The following SEMA4F variants were observed in gnomAD, a reference collection of about 807,000 sequenced individuals.
The protein encoded by SEMA4F is ssemaphorin 4F.
Under a neutral mutation model 78.4 loss-of-function variants are expected in SEMA4F, and 51 were observed. That is an observed-to-expected ratio of 0.65 (90% CI 0.52 to 0.82). The LOEUF is 0.82. Ranked by LOEUF, SEMA4F falls within the 40% of genes least tolerant of loss-of-function variation. The probability of loss-of-function intolerance (pLI) is 0.00; values close to 1 mark genes in which losing one functional copy is unlikely to be tolerated. For missense variants in SEMA4F, 938 were observed against 1,014.4 expected (o/e 0.92, Z 1.02); for synonymous variants, 418 against 408.7 (o/e 1.02, Z -0.27).
chr2:74,657,124 T>C (rs891148316), intron 2 of SEMA4F, among the ~76,000 whole-genome samples: 1 of 152,196 alleles, frequency 6.6e-6, no homozygotes, highest in Non-Finnish European at 1.5e-5. Context: ...GAAATGCTCA[T>C]TGGAGCATTT....
Position 74,675,735 on chromosome 2 carries a change from C to T in SEMA4F, c.1483-14C>T, listed in dbSNP as rs2105003443. On this transcript the variant is annotated splice_polypyrimidine_tract_variant and intron_variant, in intron 11 of 13. Transcript: ENST00000357877. ...AGATCCAGTGTATTCCCCTTCCCCA[C>T]TCCGTTTTTATAGAGCTGGCTCCTG... 2 of 1,613,682 alleles carry T rather than the reference C, an allele frequency of 1.2e-6. No homozygotes were observed. The highest frequency in any genetic ancestry group is 8.5e-7 in the Non-Finnish European group (1 of 1,179,722).
At chr2:74,701,828 G>A in the SEMA4F span, among the ~76,000 whole-genome samples, 32 of 152,158 alleles carry the variant, frequency 2.1e-4, no homozygotes, top group Admixed American at 2.0e-3. Context: ...CTGGAGTATG[G>A]CTTTAACCTG....
At chr2:74,693,522 G>A in the SEMA4F span, among the ~76,000 whole-genome samples, 1 of 152,194 alleles carries the variant, frequency 6.6e-6, no homozygotes. Flanking sequence ...AAGAGGATAG[G>A]ATGGATGTTG....
At chr2:74,707,720 C>G in the SEMA4F span, among the ~76,000 whole-genome samples, 14 of 152,240 alleles carry the variant, frequency 9.2e-5, no homozygotes, top group East Asian at 2.5e-3. Context: ...GCTTACAGCC[C>G]TGAAGAAGTT....
At position 74,675,563 on chromosome 2, in the gene SEMA4F, C is replaced by T. The variant is rs761333745; in HGVS notation, c.1411C>T (p.Gln471Ter). Residue 471 changes from glutamine to a stop codon, truncating the protein, a stop_gained, in exon 11 of 14, where the codon CAG becomes TAG. Transcript: ENST00000357877. LOFTEE classifies it high-confidence loss of function. ...CCACCGAGCAGTGCGGATCGGAGCT[C>T]AGCTCAGCGTTCTTGAAGATCTGGC... ...HLHRAVRIGA[Q>*]LSVLEDLALF... 1.2e-5 allele frequency: 19 copies of T among 1,614,196 alleles called. No individual in the cohort carries two copies. Among genetic ancestry groups the T allele is most frequent in the Non-Finnish European group, 1.4e-5 (17 of 1,180,022 alleles).
In SEMA4F at chr2:74,679,752, C is replaced by T. The variant is rs978081114; in HGVS notation, c.1856C>T (p.Thr619Ile). ...PRRDGLEVVVTPGAMGAYACE... is the reference protein window; with the variant it reads ...PRRDGLEVVVIPGAMGAYACE... ...CGGGATGGACTGGAGGTGGTGGTGA[C>T]CCCAGGGGCCATGGGCGCTTATGCC... Residue 619 changes from threonine to isoleucine, a missense_variant, in exon 14 of 14, where the codon ACC (threonine) becomes ATC (isoleucine). Coordinates refer to ENST00000357877, the MANE Select transcript of SEMA4F (RefSeq NM_004263.5). The T allele has an allele frequency of 6.2e-7, 1 of 1,614,176 alleles. No homozygotes were observed. The highest frequency in any genetic ancestry group is 8.5e-7 in the Non-Finnish European group (1 of 1,180,024).
At chr2:74,664,236 A>T (rs929936011) in intron 5 of SEMA4F, among the ~76,000 whole-genome samples, 1 of 152,216 alleles carries the variant, frequency 6.6e-6, no homozygotes, top group African/African-American at 2.4e-5. Flanking sequence ...GTCATGCTAC[A>T]TGGATGTAAT....
At chr2:74,674,081 G>A (rs1362308556) in intron 7 of SEMA4F, among the ~76,000 whole-genome samples, 1 of 152,216 alleles carries the variant, frequency 6.6e-6, no homozygotes, top group Non-Finnish European at 1.5e-5. Flanking sequence ...GGAGGAACTG[G>A]TGACAGATAG....
At chr2:74,709,411 A>G in the SEMA4F span, among the ~76,000 whole-genome samples, 1 of 152,246 alleles carries the variant, frequency 6.6e-6, no homozygotes, top group African/African-American at 2.4e-5. Flanking sequence ...GCCTAGCTAT[A>G]TTAAAACATT....
chr2:74,687,246 C>T (rs2105048946), downstream of SEMA4F, among the ~76,000 whole-genome samples: 2 of 152,318 alleles, frequency 1.3e-5, no homozygotes, highest in South Asian at 4.1e-4. Context: ...AGTTGTTTCC[C>T]CTGATCTTTG....
intron 1 of SEMA4F, chr2:74,655,220 A>G: frequency 3.2e-6 from 1 of 312,742 alleles, no homozygotes; most frequent in Non-Finnish European, 6.9e-6. Context: ...ATATTGGTAA[A>G]CCATTCAATG....
Position 74,679,724 on chromosome 2 carries a change from C to T in SEMA4F, c.1828C>T (p.Arg610Trp), listed in dbSNP as rs367999393. The change falls in exon 14 of 14, where the codon CGG becomes TGG. Residue 610 changes from arginine to tryptophan, a missense_variant. Arg to Trp is a moderately radical substitution (Grantham distance 101, BLOSUM62 -3). Coordinates refer to ENST00000357877, the MANE Select transcript of SEMA4F (RefSeq NM_004263.5). ...CAGTGGAGTGACTGCACTCACCCCC[C>T]GGCGGGATGGACTGGAGGTGGTGGT... ...QPSGVTALTP[R>W]RDGLEVVVTP... 5.1e-5 allele frequency: 82 copies of T among 1,614,042 alleles called. No homozygotes were observed. The African/African-American group carries it at 9.5e-4, about 19-fold the overall frequency.
In SEMA4F at chr2:74,680,457, A is replaced by C; in HGVS notation, c.*248A>C. ...CAGCAAATCAGGGCTTCCCCCTAAC[A>C]TCTGAACTCCTGTAAACCTTCATCC... On this transcript the variant is annotated 3_prime_UTR_variant, in exon 14 of 14. Coordinates refer to ENST00000357877, the MANE Select transcript of SEMA4F (RefSeq NM_004263.5). 16 of 418,040 alleles carry C rather than the reference A, an allele frequency of 3.8e-5. No homozygotes were observed. The highest frequency in any genetic ancestry group is 3.9e-5 in the East Asian group (1 of 25,598). The allele number at this position is 418,040 out of a possible 1,614,324, so 25.9% of individuals were successfully genotyped here.
At chr2:74,707,093 T>A in the SEMA4F span, among the ~76,000 whole-genome samples, 1 of 149,294 alleles carries the variant, frequency 6.7e-6, no homozygotes, top group Admixed American at 6.7e-5. Context: ...ACAAATGCAT[T>A]TCATGATCCT....
rs1207662499 is a variant in SEMA4F at position 74,658,964 on chromosome 2, A to G, written c.456+1013A>G. 2.0e-5 allele frequency among the ~76,000 whole-genome samples: 3 copies of G among 152,096 alleles called. No homozygotes were observed. Among genetic ancestry groups the G allele is most frequent in the Non-Finnish European group, 4.4e-5 (3 of 68,008 alleles). On this transcript the variant is annotated intron_variant, in intron 4 of 13. Coordinates refer to ENST00000357877, the MANE Select transcript of SEMA4F (RefSeq NM_004263.5). The surrounding 1 kb of genome is among the most constrained non-coding windows in gnomAD (Gnocchi z 4.3). ...CCCCTCTTTGTTACATACCACCCTC[A>G]TATCTCTGGCTTAGGATGCTAATCA...
At chr2:74,661,651 A>C (rs879375006) in intron 4 of SEMA4F, among the ~76,000 whole-genome samples, 1 of 152,186 alleles carries the variant, frequency 6.6e-6, no homozygotes, top group African/African-American at 2.4e-5. Flanking sequence ...CTGACCCAGC[A>C]TTCCGTTTTT....
chr2:74,692,954 G>A, the SEMA4F span, among the ~76,000 whole-genome samples: 3 of 152,196 alleles, frequency 2.0e-5, no homozygotes, highest in Admixed American at 2.0e-4. Flanking sequence ...ACATATGCTC[G>A]TAATAAAGCA....
intron 5 of SEMA4F, among the ~76,000 whole-genome samples, chr2:74,671,340 A>C (rs1470489787): frequency 6.6e-6 from 1 of 152,088 alleles, no homozygotes; most frequent in African/African-American, 2.4e-5. Flanking sequence ...GGTGCCTGAG[A>C]CACGCTGCTT....
At chr2:74,662,320 C>T (rs2104935957) in intron 4 of SEMA4F, among the ~76,000 whole-genome samples, 1 of 152,238 alleles carries the variant, frequency 6.6e-6, no homozygotes, top group South Asian at 2.1e-4. Flanking sequence ...GTTTCCAGTC[C>T]TCAGGAGGCC....
Sources: allele counts gnomAD v4.1 joint callset (sites outside exome capture counted in the v4.1 genomes callset), GRCh38; gene constraint gnomAD v4.1.1; non-coding constraint Gnocchi (gnomAD v3.1); transcripts MANE v1.5; gene names NCBI Gene and HGNC (gene_info 2026-07-23, HGNC 2026-07-21).